Variants in SSB observed in about 807,000 individuals in gnomAD.
SSB encodes the protein lupus La protein.
SSB carries 17 observed loss-of-function variants against 52.9 expected under a neutral mutation model. That is an observed-to-expected ratio of 0.32 (90% CI 0.22 to 0.48). The LOEUF (loss-of-function observed/expected upper bound fraction) is 0.48. Among genes scored for constraint, SSB ranks in the 20% least tolerant of loss-of-function variants. The pLI is 0.99. For synonymous variants in SSB, 111 were observed against 152.1 expected, an observed-to-expected ratio of 0.73 and a Z score of 1.99; for missense variants, 314 against 463.6, an observed-to-expected ratio of 0.68 and a Z score of 2.96.
intron 1 of SSB, chr2:169,799,344 C>T (rs963462143): frequency 1.4e-5 from 2 of 138,562 alleles, no homozygotes; most frequent in African/African-American, 2.7e-5. Flanking sequence ...GTGGCCATCT[C>T]TGTAAAGTTT....
At chr2:169,810,098 T>A (rs1689915651) in intron 8 of SSB, 185 bp from the exon 9 acceptor site, 1 of 344,098 alleles carries the variant, frequency 2.9e-6, no homozygotes, top group Non-Finnish European at 5.2e-6. Flanking sequence ...ACTACTTTAT[T>A]TATTTATTAT....
chr2:169,802,459 C>G (rs1233173304), intron 2 of SSB, among the ~76,000 whole-genome samples: 1 of 147,676 alleles, frequency 6.8e-6, no homozygotes, highest in Non-Finnish European at 1.5e-5. Context: ...TTTAAAATGT[C>G]TCATGTTCCT....
intron 8 of SSB, 28 bp from the exon 9 acceptor site, chr2:169,810,255 T>C (rs1689920104): frequency 6.4e-7 from 1 of 1,568,594 alleles, no homozygotes; most frequent in South Asian, 1.2e-5. Context: ...TTTAAGAAAC[T>C]TTTTGATCAC....
chr2:169,807,453 TA>T (rs1689852361), intron 6 of SSB, among the ~76,000 whole-genome samples: 1 of 152,108 alleles, frequency 6.6e-6, no homozygotes, highest in East Asian at 1.9e-4. Flanking sequence ...CTCGTCCACC[TA>T]ATTTTTGTAT....
chr2:169,811,308 G>T lies in SSB; in HGVS notation c.1123G>T (p.Glu375Ter). The T allele has an allele frequency of 6.3e-7, 1 of 1,590,178 alleles. No homozygotes were observed. The highest frequency in any genetic ancestry group is 1.2e-5 in the South Asian group (1 of 85,912). The change falls in exon 11 of 12, where the codon GAA becomes TAA. Residue 375 changes from glutamate (E) to a stop codon, truncating the protein, a stop_gained. Transcript: ENST00000260956. LOFTEE classifies it high-confidence loss of function. Reference sequence around the variant, plus strand: ...TGATGATGAACATGATGAACATGATGAAAATGGTGCAACTGGTAAGTTTTT... The same window carrying T: ...TGATGATGAACATGATGAACATGATTAAAATGGTGCAACTGGTAAGTTTTT... ...ASDDEHDEHD[E>*]NGATGPVKRA...
Position 169,806,760 on chromosome 2 carries a change from G to T in SSB, c.346-25G>T, listed in dbSNP as rs1181043606. On this transcript the variant is annotated intron_variant, in intron 4 of 11. Coordinates refer to ENST00000260956, the MANE Select transcript of SSB (RefSeq NM_003142.5). Reference sequence around the variant, plus strand: ...TCTGAGAAGTCATTATTTGTTATTTGTACATTTCTTCCCACTCTTCACAGA... The same window carrying T: ...TCTGAGAAGTCATTATTTGTTATTTTTACATTTCTTCCCACTCTTCACAGA... 8.5e-6 allele frequency: 13 copies of T among 1,537,460 alleles called. No individual in the cohort carries two copies. In the African/African-American group the frequency reaches 1.2e-4, roughly 15 times the overall value.
In SSB at chr2:169,810,695, A is replaced by C. The variant is rs1689931715; in HGVS notation, c.811-163A>C. Reference sequence around the variant, plus strand: ...AATAACTGTTCATACTGATGATTGCAGTTTTACTTCTGTAGCATTCCTTTT... The same window carrying C: ...AATAACTGTTCATACTGATGATTGCCGTTTTACTTCTGTAGCATTCCTTTT... On this transcript the variant is annotated intron_variant, in intron 9 of 11. Coordinates refer to ENST00000260956, the MANE Select transcript of SSB (RefSeq NM_003142.5). The C allele has an allele frequency of 4.2e-6, 3 of 706,298 alleles. No homozygotes were observed. In the African/African-American group the frequency reaches 5.4e-5, roughly 13 times the overall value. 43.8% of individuals were successfully genotyped at this position (706,298 alleles called of 1,614,324 possible). A position where few individuals can be genotyped will look rare whatever the true frequency, so the allele number is the denominator to read the frequency against.
At chr2:169,799,126 C>A (rs116191992) in intron 1 of SSB, 150 bp downstream of exon 1, 8,831 of 152,072 alleles carry the variant, frequency 0.058, 298 homozygotes, top group East Asian at 0.1. Flanking sequence ...TGGGCCGCAG[C>A]CGGAGGCGGC....
intron 1 of SSB, among the ~76,000 whole-genome samples, chr2:169,800,047 T>A (rs1689674283): frequency 6.6e-6 from 1 of 152,204 alleles, no homozygotes; most frequent in African/African-American, 2.4e-5. Context: ...AAACTGGCTA[T>A]CCAATGTATT....
chr2:169,805,731 C>T lies in SSB; in HGVS notation c.237C>T (p.Leu79=). ...VEALSKSKAE[L]MEISEDKTKI... is the part of the protein sequence containing the mutation. ...CATTGAGCAAATCCAAGGCAGAACT[C>T]ATGGAAATCAGTGAAGATAAAACTA... The change falls in exon 4 of 12, where the codon CTC becomes CTT. Residue 79 remains leucine (L), a synonymous_variant. Transcript: ENST00000260956. 2 of 1,613,992 alleles carry T rather than the reference C, an allele frequency of 1.2e-6. No individual in the cohort carries two copies. Among genetic ancestry groups the T allele is most frequent in the Non-Finnish European group, 1.7e-6 (2 of 1,180,004 alleles).
chr2:169,806,730 G>GT, intron 4 of SSB, 55 bp from the exon 5 acceptor site: 1 of 1,364,356 alleles, frequency 7.3e-7, no homozygotes, highest in Non-Finnish European at 1.0e-6. Flanking sequence ...CTCTCCAATT[G>GT]TTTATCTGAG....
intron 6 of SSB, among the ~76,000 whole-genome samples, chr2:169,807,760 T>TTTTTTTTA (rs1553482596): frequency 7.6e-6 from 1 of 132,412 alleles, no homozygotes. Context: ...TTTTTTTTTT[T>TTTTTTTTA]ACAGTACAAA....
At chr2:169,810,164 C>A in intron 8 of SSB, 119 bp from the exon 9 acceptor site, 1 of 583,188 alleles carries the variant, frequency 1.7e-6, no homozygotes, top group Non-Finnish European at 2.7e-6. Flanking sequence ...GAAGAAACTA[C>A]TTTAAAATAG....
chr2:169,802,415 CT>C (rs753585547), intron 2 of SSB, among the ~76,000 whole-genome samples: 1,952 of 137,026 alleles, frequency 0.014, 12 homozygotes, highest in Non-Finnish European at 0.019. Context: ...CTCAGAACTG[CT>C]TTTTTTTTTT....
chr2:169,808,925 T>C (rs73016462), intron 8 of SSB, 23 bp downstream of exon 8: 51,724 of 1,574,420 alleles, frequency 0.033, 956 homozygotes, highest in Middle Eastern at 0.037. Context: ...TACTGCTATC[T>C]AGTACATCTG....
chr2:169,802,008 C>A (rs536013985), intron 2 of SSB, among the ~76,000 whole-genome samples: 1 of 152,092 alleles, frequency 6.6e-6, no homozygotes, highest in South Asian at 2.1e-4. Flanking sequence ...ATGATGAGGC[C>A]CCATCTCTAC....
rs535702753 is a variant in SSB at position 169,802,000 on chromosome 2, G to C, written c.66+974G>C. Among the ~76,000 whole-genome samples, 14 of 152,250 alleles carry C rather than the reference G, an allele frequency of 9.2e-5. No homozygotes were observed. The South Asian group carries it at 1.2e-3, about 14-fold the overall frequency. On this transcript the variant is annotated intron_variant, in intron 2 of 11. Transcript: ENST00000260956. ...AGTTAGAGACCAGCCTGGGCAACAT[G>C]ATGAGGCCCCATCTCTACAAAAAAA...
At chr2:169,804,408 A>C (rs984124777) in intron 2 of SSB, among the ~76,000 whole-genome samples, 5 of 150,722 alleles carry the variant, frequency 3.3e-5, no homozygotes, top group African/African-American at 1.2e-4. Context: ...TTTCTTATTT[A>C]TTTTATTTAT....
At chr2:169,807,569 G>A (rs973270959) in intron 6 of SSB, among the ~76,000 whole-genome samples, 1 of 152,102 alleles carries the variant, frequency 6.6e-6, no homozygotes, top group Non-Finnish European at 1.5e-5. Context: ...GACTACAGGC[G>A]TGAGCCACTG....
Sources: allele counts gnomAD v4.1 joint callset (sites outside exome capture counted in the v4.1 genomes callset), GRCh38; gene constraint gnomAD v4.1.1; transcripts MANE v1.5; gene names NCBI Gene and HGNC (gene_info 2026-07-23, HGNC 2026-07-21).